Variants in EFHC1 observed in about 807,000 individuals in gnomAD.
The protein encoded by EFHC1 is EF-hand domain containing 1, also known as EF-hand domain-containing protein 1.
Under a neutral mutation model 69.9 loss-of-function variants are expected in EFHC1, and 53 were observed. The ratio of observed to expected loss-of-function variants is 0.76; its 90% CI spans 0.61 to 0.95. The LOEUF (loss-of-function observed/expected upper bound fraction) is 0.95, where lower values mean the gene tolerates loss of function less well. Ranked by LOEUF, EFHC1 falls within the 40% of genes least tolerant of loss-of-function variation. EFHC1 has a pLI of 0.00. For synonymous variants in EFHC1, 256 were observed against 278.4 expected (o/e 0.92, Z 0.80); for missense variants, 739 against 798.7 (o/e 0.93, Z 0.90).
intron 5 of EFHC1, among the ~76,000 whole-genome samples, chr6:52,459,451 C>G (rs59160834): frequency 0.075 from 11,372 of 152,108 alleles, 876 homozygotes; most frequent in African/African-American, 0.19. Context: ...AGTTAGCACA[C>G]AAAAATATAT....
At chr6:52,440,564 T>C (rs1764639768) in intron 3 of EFHC1, among the ~76,000 whole-genome samples, 1 of 152,144 alleles carries the variant, frequency 6.6e-6, no homozygotes. Context: ...ATTCCATGTC[T>C]TTGCTATTAT....
At chr6:52,470,514 C>T (rs1765414246) in intron 7 of EFHC1, among the ~76,000 whole-genome samples, 1 of 152,202 alleles carries the variant, frequency 6.6e-6, no homozygotes, top group African/African-American at 2.4e-5. Context: ...TTTATTTCTG[C>T]ACACATTATC....
In EFHC1 at chr6:52,495,486, A is replaced by G; in HGVS notation, c.*3145A>G. On this transcript the variant is annotated 3_prime_UTR_variant, in exon 11 of 11. Coordinates refer to ENST00000371068, the MANE Select transcript of EFHC1 (RefSeq NM_018100.4). ...GGCAGCAAATCTGCAACATATGGAT[A>G]TATTTGCCAATTTTTGTCCTCAGCT... 2.2e-6 allele frequency: 1 copy of G among 454,148 alleles called. No individual in the cohort carries two copies. The highest frequency in any genetic ancestry group is 1.6e-5 in the South Asian group (1 of 64,474). 28.1% of individuals were successfully genotyped at this position (454,148 alleles called of 1,614,324 possible). A position where few individuals can be genotyped will look rare whatever the true frequency, so the allele number is the denominator to read the frequency against.
At chr6:52,422,994 C>T (rs1764223886) in intron 1 of EFHC1, among the ~76,000 whole-genome samples, 1 of 152,188 alleles carries the variant, frequency 6.6e-6, no homozygotes, top group African/African-American at 2.4e-5. Flanking sequence ...ATCATTTACT[C>T]ATGTCTTCAT....
chr6:52,457,442 C>T (rs374385693), intron 5 of EFHC1, among the ~76,000 whole-genome samples: 13 of 152,114 alleles, frequency 8.5e-5, no homozygotes, highest in Admixed American at 2.6e-4. Flanking sequence ...TGTTTGGGGG[C>T]GCCCAAGAGA....
chr6:52,473,848 C>CA (rs925985814), intron 7 of EFHC1, among the ~76,000 whole-genome samples: 3 of 151,754 alleles, frequency 2.0e-5, no homozygotes, highest in Admixed American at 1.3e-4. Flanking sequence ...TCTGTTCTTC[C>CA]AAAAAACACC....
At chr6:52,464,855 C>A in intron 5 of EFHC1, 40 bp from the exon 6 acceptor site, 2 of 1,559,932 alleles carry the variant, frequency 1.3e-6, no homozygotes, top group South Asian at 2.2e-5. Context: ...TTGACACACT[C>A]ATTCCTTCTT....
chr6:52,494,905 T>C lies in EFHC1; in HGVS notation c.*2564T>C. On this transcript the variant is annotated 3_prime_UTR_variant, in exon 11 of 11. Coordinates refer to ENST00000371068, the MANE Select transcript of EFHC1 (RefSeq NM_018100.4). ...TTTTTTATGGCTGCGTAGTATTCCA[T>C]GGTGTAGATATACTTCATTTAAAAA... 4.4e-6 allele frequency: 2 copies of C among 451,398 alleles called. No homozygotes were observed. Among genetic ancestry groups the C allele is most frequent in the South Asian group, 3.1e-5 (2 of 64,284 alleles). The allele number at this position is 451,398 out of a possible 1,614,324, so 28.0% of individuals were successfully genotyped here. A position where few individuals can be genotyped will look rare whatever the true frequency, so the allele number is the denominator to read the frequency against.
At chr6:52,446,798 T>A (rs1047798469) in intron 3 of EFHC1, among the ~76,000 whole-genome samples, 1 of 152,180 alleles carries the variant, frequency 6.6e-6, no homozygotes, top group Non-Finnish European at 1.5e-5. Flanking sequence ...TATAAAGGAT[T>A]TTATTTCTCC....
At position 52,447,290 on chromosome 6, in the gene EFHC1, T is replaced by A. The variant is rs140316025; in HGVS notation, c.574-5398T>A. On this transcript the variant is annotated intron_variant, in intron 3 of 10. Coordinates refer to ENST00000371068, the MANE Select transcript of EFHC1 (RefSeq NM_018100.4). ...TTACTCTTTTTTCTCTAAACTTCTC[T>A]TCTCACTTCATTTCATTCATTTGAT... Among the ~76,000 whole-genome samples the A allele has an allele frequency of 3.9e-3, 589 of 152,342 alleles. 5 individuals carry two copies. The highest frequency in any genetic ancestry group is 0.013 in the African/African-American group (543 of 41,578).
intron 9 of EFHC1, chr6:52,488,170 A>G (rs1471151510): frequency 1.3e-5 from 2 of 152,180 alleles, no homozygotes; most frequent in African/African-American, 4.8e-5. Flanking sequence ...TCATGGCTCT[A>G]GTTCTTGGAA....
intron 2 of EFHC1, among the ~76,000 whole-genome samples, chr6:52,424,459 A>G (rs1470593259): frequency 6.6e-6 from 1 of 152,214 alleles, no homozygotes; most frequent in Non-Finnish European, 1.5e-5. Flanking sequence ...TTTATATTCT[A>G]TGTTTATCAG....
At chr6:52,448,647 A>G (rs992543624) in intron 3 of EFHC1, among the ~76,000 whole-genome samples, 3 of 152,144 alleles carry the variant, frequency 2.0e-5, no homozygotes, top group African/African-American at 7.2e-5. Context: ...TCATGCTGGG[A>G]GCTTCAGACT....
Position 52,421,115 on chromosome 6 carries a change from T to C in EFHC1, c.63+642T>C, listed in dbSNP as rs142574288. On this transcript the variant is annotated intron_variant, in intron 1 of 10. Coordinates refer to ENST00000371068, the MANE Select transcript of EFHC1 (RefSeq NM_018100.4). ...TGCTTGCATCCAACCCCATTCTTTT[T>C]TCTCCATCTTCTACATTTTCCACAA... 1.4e-3 allele frequency: 1,199 copies of C among 884,950 alleles called. 16 individuals are homozygous for C. In the African/African-American group the frequency reaches 0.02, roughly 15 times the overall value. The allele number at this position is 884,950 out of a possible 1,614,324, so 54.8% of individuals were successfully genotyped here.
At position 52,494,955 on chromosome 6, in the gene EFHC1, C is replaced by T. The variant is rs1562468791; in HGVS notation, c.*2614C>T. 2 of 453,848 alleles carry T rather than the reference C, an allele frequency of 4.4e-6. No homozygotes were observed. The highest frequency in any genetic ancestry group is 1.4e-4 in the East Asian group (2 of 14,386). 28.1% of individuals were successfully genotyped at this position (453,848 alleles called of 1,614,324 possible). Reference sequence around the variant, plus strand: ...AATCTAATCCACCATTGATTGGCACCTAGGTTGATTCCATGTCCTTTGCTC... The same window carrying T: ...AATCTAATCCACCATTGATTGGCACTTAGGTTGATTCCATGTCCTTTGCTC... On this transcript the variant is annotated 3_prime_UTR_variant, in exon 11 of 11. Transcript: ENST00000371068.
chr6:52,471,893 C>A (rs1293515585), intron 7 of EFHC1, among the ~76,000 whole-genome samples: 2 of 150,664 alleles, frequency 1.3e-5, no homozygotes, highest in South Asian at 2.1e-4. Flanking sequence ...AAATAAATAA[C>A]TAAATAATAA....
chr6:52,481,201 G>A (rs1332627386), intron 9 of EFHC1, among the ~76,000 whole-genome samples: 2 of 152,166 alleles, frequency 1.3e-5, no homozygotes, highest in East Asian at 1.9e-4. Context: ...TCTAGGGGAT[G>A]TGAGGGGAAA....
At position 52,424,111 on chromosome 6, in the gene EFHC1, C is replaced by A. The variant is rs149055334; in HGVS notation, c.229C>A (p.Pro77Thr). 1.3e-3 allele frequency: 2,103 copies of A among 1,614,090 alleles called. 33 individuals are homozygous for A. The African/African-American group carries it at 0.025, about 19-fold the overall frequency. The change falls in exon 2 of 11, where the codon CCT becomes ACT. Residue 77 changes from proline (P) to threonine (T), a missense_variant. Pro to Thr is a conservative substitution (Grantham distance 38). Coordinates refer to ENST00000371068, the MANE Select transcript of EFHC1 (RefSeq NM_018100.4). ...SKAPVLTYGQ[P>T]KQAPPADFIP... ...GGCACCAGTCTTAACTTATGGCCAA[C>A]CTAAACAAGCCCCACCTGCGGATTT...
chr6:52,456,297 C>T (rs962234043), intron 5 of EFHC1, among the ~76,000 whole-genome samples: 2 of 152,152 alleles, frequency 1.3e-5, no homozygotes, highest in Non-Finnish European at 2.9e-5. Context: ...TCTTAGAGTT[C>T]AATGACAATG....
Sources: allele counts gnomAD v4.1 joint callset (sites outside exome capture counted in the v4.1 genomes callset), GRCh38; gene constraint gnomAD v4.1.1; transcripts MANE v1.5; gene names NCBI Gene and HGNC (gene_info 2026-07-23, HGNC 2026-07-21).